The following PKD1L1 variants were observed in gnomAD, a reference collection of about 807,000 sequenced individuals.
PKD1L1 encodes the protein polycystin 1 like 1, transient receptor potential channel interacting.
In PKD1L1, 236 loss-of-function variants were observed where a neutral mutation model predicts 323.4. That is an observed-to-expected ratio of 0.73 (90% CI 0.66 to 0.81). The LOEUF (loss-of-function observed/expected upper bound fraction) is 0.81. Among genes scored for constraint, PKD1L1 ranks in the 40% least tolerant of loss-of-function variants. The pLI, the probability that PKD1L1 is intolerant of heterozygous loss-of-function variation, is 0.00. For missense variants in PKD1L1, 3,320 were observed against 3,508.0 expected (o/e 0.95, Z 1.35); for synonymous variants, 1,344 against 1,335.0 (o/e 1.01, Z -0.15).
intron 7 of PKD1L1, among the ~76,000 whole-genome samples, chr7:47,915,907 TA>T (rs1787420351): frequency 6.6e-6 from 1 of 152,100 alleles, no homozygotes; most frequent in Non-Finnish European, 1.5e-5. Context: ...GTGGAGAAAT[TA>T]AAATTCTTAA....
Position 47,835,141 on chromosome 7 carries a change from G to A in PKD1L1, c.6046C>T (p.Leu2016Phe), listed in dbSNP as rs1167871145. ...GAQLLSLLFR[L>F]SKEAPGSARV... ...GGACAAGTCGCAGGTACCTTGCTGA[G>A]CCTGAAGAGCAGGGACAAGAGCTGG... The change falls in exon 38 of 57, where the codon CTC (leucine) becomes TTC (phenylalanine). Residue 2016 changes from leucine to phenylalanine, a missense_variant. Coordinates refer to ENST00000289672, the MANE Select transcript of PKD1L1 (RefSeq NM_138295.5). The A allele has an allele frequency of 1.0e-5, 16 of 1,599,442 alleles. No individual in the cohort carries two copies. The highest frequency in any genetic ancestry group is 1.3e-5 in the African/African-American group (1 of 74,078).
At position 47,857,799 on chromosome 7, in the gene PKD1L1, G is replaced by A. The variant is rs1304800914; in HGVS notation, c.4396C>T (p.Gln1466Ter). The stretch of plus-strand genomic sequence containing the variant: ...TGAAGAAGGGTCCGGAACTCCATCT[G>A]CCCAGTGCTAACATGGTTCAAAGAG... ...CLSLNHVSTGQMEFRTLLHYN... is the reference protein window; with the variant it reads ...CLSLNHVSTG The change falls in exon 28 of 57, where the codon CAG becomes TAG. Residue 1466 changes from glutamine (Q) to a stop codon, truncating the protein, a stop_gained. Coordinates refer to ENST00000289672, the MANE Select transcript of PKD1L1 (RefSeq NM_138295.5). LOFTEE classifies it high-confidence loss of function. 6.2e-7 allele frequency: 1 copy of A among 1,614,080 alleles called. No individual in the cohort carries two copies. Among genetic ancestry groups the A allele is most frequent in the African/African-American group, 1.3e-5 (1 of 74,924 alleles).
chr7:47,929,147 G>T, intron 7 of PKD1L1, 57 bp downstream of exon 7: 1 of 1,522,494 alleles, frequency 6.6e-7, no homozygotes, highest in Non-Finnish European at 8.9e-7. Flanking sequence ...TGCCTCTTGG[G>T]TCCCCTAGCT....
Position 47,811,855 on chromosome 7 carries a change from T to C in PKD1L1, c.7543A>G (p.Ser2515Gly). Residue 2515 changes from serine to glycine, a missense_variant, in exon 50 of 57, where the codon AGC (serine) becomes GGC (glycine). Transcript: ENST00000289672. ...SLVESFSIFR[S>G]DSALQYHLML... is the part of the protein sequence containing the mutation. ...AGGTGGTACTGCAGGGCTGAGTCGC[T>C]GCGGAAGATGCTGAATGACTCCACC... The C allele has an allele frequency of 2.5e-6, 4 of 1,609,786 alleles. No individual in the cohort carries two copies. The highest frequency in any genetic ancestry group is 1.1e-5 in the South Asian group (1 of 89,788).
chr7:47,910,750 G>A (rs188852702), intron 8 of PKD1L1, among the ~76,000 whole-genome samples: 35 of 151,192 alleles, frequency 2.3e-4, no homozygotes, highest in African/African-American at 8.5e-4. Context: ...CTCTCCTCCT[G>A]GATTCAAGCG....
At chr7:47,818,314 T>A in intron 46 of PKD1L1, 2 of 712,694 alleles carry the variant, frequency 2.8e-6, no homozygotes, top group Non-Finnish European at 3.9e-6. Flanking sequence ...TGGCTGGAGG[T>A]GAATTTTCAA....
chr7:47,904,442 G>A lies in PKD1L1; in HGVS notation c.1867C>T (p.Leu623=). 1.2e-6 allele frequency: 2 copies of A among 1,614,170 alleles called. No individual in the cohort carries two copies. Among genetic ancestry groups the A allele is most frequent in the Non-Finnish European group, 1.7e-6 (2 of 1,180,036 alleles). ...WINFGTDVAY[L]WDFGDGTVSL... is the part of the protein sequence containing the mutation. The stretch of plus-strand genomic sequence containing the variant: ...ACGGTGCCATCCCCAAAGTCCCACA[G>A]GTAGGCAACATCTGTGCCGAAGTTG... The change falls in exon 12 of 57, where the codon CTG becomes TTG. Residue 623 remains leucine (L), a synonymous_variant. Coordinates refer to ENST00000289672, the MANE Select transcript of PKD1L1 (RefSeq NM_138295.5).
intron 43 of PKD1L1, 56 bp from the exon 44 acceptor site, chr7:47,829,657 C>T: frequency 6.6e-7 from 1 of 1,510,096 alleles, no homozygotes; most frequent in African/African-American, 1.4e-5. Flanking sequence ...GTTCATTCCA[C>T]ACAGAGCTGT....
At chr7:47,809,689 T>G in intron 50 of PKD1L1, 112 bp from the exon 51 acceptor site, 1 of 720,010 alleles carries the variant, frequency 1.4e-6, no homozygotes, top group South Asian at 2.2e-5. Flanking sequence ...GTAGCTAGGA[T>G]GCAAGCCCAT....
At chr7:47,863,422 A>G (rs1786076343) in intron 26 of PKD1L1, among the ~76,000 whole-genome samples, 1 of 151,560 alleles carries the variant, frequency 6.6e-6, no homozygotes, top group African/African-American at 2.4e-5. Flanking sequence ...GGATGAGATC[A>G]CACAGGGAGG....
At chr7:47,783,980 A>T (rs1007629690) in intron 56 of PKD1L1, among the ~76,000 whole-genome samples, 1 of 152,216 alleles carries the variant, frequency 6.6e-6, no homozygotes, top group Non-Finnish European at 1.5e-5. Context: ...CTAGGAGACA[A>T]TTTGGCCCAA....
At position 47,873,903 on chromosome 7, in the gene PKD1L1, C is replaced by T. The variant is rs1190426978; in HGVS notation, c.3892G>A (p.Asp1298Asn). Residue 1298 changes from aspartate to asparagine, a missense_variant, in exon 24 of 57, where the codon GAC (aspartate) becomes AAC (asparagine). Physicochemically the swap from Asp to Asn is conservative, Grantham distance 23. Transcript: ENST00000289672. ...GTGTGGCATTGTGTTACTCACAGGT[C>T]CTCGCCCAGACAGTCATTTCCATGG... ...RYHGNDCLGEDLYNSSLKNLS... is the reference protein window; with the variant it reads ...RYHGNDCLGENLYNSSLKNLS... 2 of 1,612,390 alleles carry T rather than the reference C, an allele frequency of 1.2e-6. No individual in the cohort carries two copies. Among genetic ancestry groups the T allele is most frequent in the East Asian group, 2.2e-5 (1 of 44,858 alleles).
At chr7:47,871,515 T>C (rs999386688) in intron 24 of PKD1L1, among the ~76,000 whole-genome samples, 5 of 152,194 alleles carry the variant, frequency 3.3e-5, no homozygotes, top group Non-Finnish European at 7.3e-5. Flanking sequence ...ATAAGGTGAC[T>C]AATTTCATTT....
intron 2 of PKD1L1, among the ~76,000 whole-genome samples, chr7:47,942,610 A>G (rs997632599): frequency 1.3e-5 from 2 of 152,290 alleles, no homozygotes; most frequent in African/African-American, 4.8e-5. Context: ...TTCAGGCAAC[A>G]CTTTAGAATT....
intron 8 of PKD1L1, among the ~76,000 whole-genome samples, chr7:47,910,100 AC>A (rs1787285372): frequency 6.6e-6 from 1 of 152,210 alleles, no homozygotes; most frequent in Admixed American, 6.5e-5. Context: ...ATAATTTTGC[AC>A]AGGAATTTTA....
At chr7:47,860,979 C>T (rs548214944) in intron 26 of PKD1L1, among the ~76,000 whole-genome samples, 11 of 152,146 alleles carry the variant, frequency 7.2e-5, no homozygotes, top group Non-Finnish European at 4.4e-5. Flanking sequence ...GCACCTGCAG[C>T]GCCACATGAC....
rs747781809 is a variant in PKD1L1 at position 47,876,221 on chromosome 7, T to C, written c.3664-4A>G. 2.5e-5 allele frequency: 41 copies of C among 1,613,782 alleles called. No homozygotes were observed. Among genetic ancestry groups the C allele is most frequent in the Non-Finnish European group, 3.3e-5 (39 of 1,179,862 alleles). Reference sequence around the variant, plus strand: ...AACTAAATTCATAATGGAAGTCCTATGATCCAGTCCAAGGGAGCAAAAATA... The same window carrying C: ...AACTAAATTCATAATGGAAGTCCTACGATCCAGTCCAAGGGAGCAAAAATA... On this transcript the variant is annotated splice_polypyrimidine_tract_variant and splice_region_variant and intron_variant, in intron 22 of 56. Transcript: ENST00000289672.
At chr7:47,932,823 A>C (rs1228207641) in intron 4 of PKD1L1, among the ~76,000 whole-genome samples, 1 of 152,246 alleles carries the variant, frequency 6.6e-6, no homozygotes, top group Non-Finnish European at 1.5e-5. Flanking sequence ...ATGCATGAGA[A>C]AAATCCAAGA....
intron 54 of PKD1L1, among the ~76,000 whole-genome samples, chr7:47,799,393 A>G (rs115144024): frequency 1.9e-3 from 297 of 152,338 alleles, no homozygotes; most frequent in African/African-American, 7.0e-3. Flanking sequence ...AAACTAGAAT[A>G]CCAGTAGACT....
Sources: gnomAD v4.1 joint callset for allele counts (sites outside exome capture counted in the v4.1 genomes callset) on GRCh38, gnomAD v4.1.1 for gene constraint, MANE v1.5 for transcripts, NCBI Gene and HGNC (gene_info 2026-07-23, HGNC 2026-07-21) for gene names.